PARD3: variants seen among roughly 807,000 people sequenced by gnomAD.
PARD3 encodes partitioning defective 3 homolog.
PARD3 carries 75 observed loss-of-function variants against 155.4 expected under a neutral mutation model. The observed-to-expected ratio is 0.48, with a 90% confidence interval of 0.40 to 0.58. The LOEUF (loss-of-function observed/expected upper bound fraction) is 0.58, where lower values mean the gene tolerates loss of function less well. PARD3 is among the 20% of genes least tolerant of loss of function. PARD3 has a pLI of 0.00. For missense variants in PARD3, 1,642 were observed against 1,721.7 expected (o/e 0.95, Z 0.82); for synonymous variants, 576 against 610.5 (o/e 0.94, Z 0.83).
At chr10:34,762,491 T>TTTTTTTTA (rs1837588913) in intron 1 of PARD3, among the ~76,000 whole-genome samples, 1 of 109,122 alleles carries the variant, frequency 9.2e-6, no homozygotes, top group Admixed American at 9.5e-5. Context: ...TTTTTTTTTG[T>TTTTTTTTA]AGAGATGGGG....
At chr10:34,587,795 G>A (rs536661472) in intron 2 of PARD3, among the ~76,000 whole-genome samples, 1 of 152,226 alleles carries the variant, frequency 6.6e-6, no homozygotes, top group East Asian at 1.9e-4. Context: ...TTTCATCACT[G>A]GCCAATAAAA....
chr10:34,253,214 T>C (rs1021080388), intron 22 of PARD3, among the ~76,000 whole-genome samples: 2 of 152,188 alleles, frequency 1.3e-5, no homozygotes, highest in African/African-American at 2.4e-5. Context: ...TTTACGACAT[T>C]TGTCTGTGTA....
chr10:34,616,768 A>G (rs1355452234), intron 2 of PARD3, among the ~76,000 whole-genome samples: 1 of 151,898 alleles, frequency 6.6e-6, no homozygotes, highest in East Asian at 1.9e-4. Context: ...AGGGAGAACC[A>G]TCTCTACCAA....
Position 34,331,082 on chromosome 10 carries a change from T to A in PARD3, c.2833+35A>T, listed in dbSNP as rs775022373. ...CTCACTTTAAGAAATAGAGTCTAAT[T>A]TTAATTATTATTCTTTCAGCCATTA... is the stretch of plus-strand genomic sequence containing the variant. On this transcript the variant is annotated intron_variant, in intron 19 of 24. Transcript: ENST00000374788. The A allele has an allele frequency of 1.2e-5, 19 of 1,539,382 alleles. No homozygotes were observed. The East Asian group carries it at 4.0e-4, about 33-fold the overall frequency.
At chr10:34,236,963 G>A (rs1000519185) in intron 22 of PARD3, among the ~76,000 whole-genome samples, 3 of 152,142 alleles carry the variant, frequency 2.0e-5, no homozygotes, top group African/African-American at 7.2e-5. Flanking sequence ...CATAAAATTA[G>A]ATCCTCTACA....
At chr10:34,780,263 C>CT (rs1395383439) in intron 1 of PARD3, among the ~76,000 whole-genome samples, 1 of 152,218 alleles carries the variant, frequency 6.6e-6, no homozygotes, top group East Asian at 1.9e-4. Flanking sequence ...CTGAATGCTC[C>CT]TTACCATAGA....
chr10:34,488,069 G>A (rs1012574889), intron 3 of PARD3, among the ~76,000 whole-genome samples: 1 of 151,916 alleles, frequency 6.6e-6, no homozygotes. Flanking sequence ...TCTTACCTGG[G>A]GACTAGCAAT....
At chr10:34,505,037 A>G (rs1201597772) in intron 3 of PARD3, among the ~76,000 whole-genome samples, 1 of 151,462 alleles carries the variant, frequency 6.6e-6, no homozygotes, top group Non-Finnish European at 1.5e-5. Context: ...AGATAAAAAC[A>G]AAAAAAAAGA....
At chr10:34,716,153 G>T (rs1564539360) in intron 1 of PARD3, among the ~76,000 whole-genome samples, 4 of 152,178 alleles carry the variant, frequency 2.6e-5, no homozygotes, top group Admixed American at 6.5e-5. Flanking sequence ...TACATGGTTA[G>T]TTCTCTGTTC....
chr10:34,326,105 C>A (rs1163374022), intron 19 of PARD3, among the ~76,000 whole-genome samples: 3 of 144,398 alleles, frequency 2.1e-5, no homozygotes, highest in Non-Finnish European at 3.0e-5. Context: ...CCAGCCTGGG[C>A]TACAGAGTGA....
intron 22 of PARD3, among the ~76,000 whole-genome samples, chr10:34,244,345 G>A (rs983294027): frequency 1.3e-5 from 2 of 152,176 alleles, no homozygotes; most frequent in Non-Finnish European, 2.9e-5. Context: ...TCAGCAAAAT[G>A]TTGCGCCTAG....
At chr10:34,435,427 T>C (rs2076140000) in intron 5 of PARD3, among the ~76,000 whole-genome samples, 1 of 151,998 alleles carries the variant, frequency 6.6e-6, no homozygotes, top group Non-Finnish European at 1.5e-5. Flanking sequence ...GATGGAACAA[T>C]GAAAGAAAGA....
chr10:34,138,973 A>T (rs1016456646), intron 22 of PARD3, among the ~76,000 whole-genome samples: 2 of 151,928 alleles, frequency 1.3e-5, no homozygotes, highest in African/African-American at 4.8e-5. Flanking sequence ...AAAAAAAAAA[A>T]AGAAAAAAGC....
Position 34,535,870 on chromosome 10 carries a change from C to A in PARD3, c.223-18711G>T, listed in dbSNP as rs76270906. Among the ~76,000 whole-genome samples, 288 of 152,046 alleles carry A rather than the reference C, an allele frequency of 1.9e-3. 10 individuals carry two copies. In the East Asian group the frequency reaches 0.053, roughly 28 times the overall value. On this transcript the variant is annotated intron_variant, in intron 2 of 24. Coordinates refer to ENST00000374788, the MANE Select transcript of PARD3 (RefSeq NM_001184785.2). ...AGCCAAATCTGATTATAATTAACTC[C>A]ATGTCAATGCTCAAAATTTTGTTGG...
chr10:34,379,199 A>G (rs1841570495), intron 9 of PARD3, among the ~76,000 whole-genome samples: 1 of 152,184 alleles, frequency 6.6e-6, no homozygotes, highest in Non-Finnish European at 1.5e-5. Flanking sequence ...ACTCAGTATA[A>G]AACTGTAATG....
intron 1 of PARD3, among the ~76,000 whole-genome samples, chr10:34,717,275 T>C (rs929102398): frequency 2.6e-5 from 4 of 152,174 alleles, no homozygotes; most frequent in African/African-American, 9.7e-5. Context: ...GGGAGTTGGA[T>C]GGTCTCTGGG....
At chr10:34,701,954 AG>A (rs1440930398) in intron 1 of PARD3, among the ~76,000 whole-genome samples, 1 of 152,054 alleles carries the variant, frequency 6.6e-6, no homozygotes, top group African/African-American at 2.4e-5. Context: ...CTTGAGGTCA[AG>A]AGTTTGAAAC....
rs528440401 is a variant in PARD3 at position 34,590,728 on chromosome 10, G to A, written c.223-73569C>T. Among the ~76,000 whole-genome samples, 10 of 152,188 alleles carry A rather than the reference G, an allele frequency of 6.6e-5. No homozygotes were observed. In the South Asian group the frequency reaches 2.1e-3, roughly 32 times the overall value. ...TGTATAAAGAATCCTTCCTGAAATG[G>A]TTCCTAAAAGAAGAACTGGAAGTGG... On this transcript the variant is annotated intron_variant, in intron 2 of 24. Coordinates refer to ENST00000374788, the MANE Select transcript of PARD3 (RefSeq NM_001184785.2).
intron 1 of PARD3, among the ~76,000 whole-genome samples, chr10:34,748,210 C>T (rs542795947): frequency 6.6e-6 from 1 of 152,304 alleles, no homozygotes; most frequent in East Asian, 1.9e-4. Flanking sequence ...TGGCTCACGC[C>T]TGTAATCCCA....
Sources: gnomAD v4.1 joint callset for allele counts (sites outside exome capture counted in the v4.1 genomes callset) on GRCh38, gnomAD v4.1.1 for gene constraint, MANE v1.5 for transcripts, NCBI Gene and HGNC (gene_info 2026-07-23, HGNC 2026-07-21) for gene names.